Variants in DST observed in about 807,000 individuals in gnomAD.
DST encodes bullous pemphigoid antigen.
DST carries 253 observed loss-of-function variants against 875.2 expected under a neutral mutation model. The observed-to-expected ratio is 0.29, with a 90% confidence interval of 0.26 to 0.32. The LOEUF is 0.32. Ranked by LOEUF, DST falls within the 10% of genes least tolerant of loss-of-function variation. DST has a pLI of 1.00. For missense variants in DST, 8,287 were observed against 9,111.6 expected (o/e 0.91, Z 3.68); for synonymous variants, 3,124 against 3,197.1 (o/e 0.98, Z 0.77).
At chr6:56,851,346 A>C (rs1236617913) in intron 4 of DST, 51 bp downstream of exon 4, 1 of 1,561,032 alleles carries the variant, frequency 6.4e-7, no homozygotes, top group Admixed American at 1.8e-5. Flanking sequence ...AGATGGGCGA[A>C]TTTCCGCAAC....
chr6:56,515,215 AT>A (rs2096565973), intron 72 of DST, among the ~76,000 whole-genome samples: 1 of 152,004 alleles, frequency 6.6e-6, no homozygotes, highest in South Asian at 2.1e-4. Context: ...TATACTGCAT[AT>A]TTTATAAAAG....
At chr6:56,710,586 T>G (rs942333102) in intron 5 of DST, among the ~76,000 whole-genome samples, 1 of 152,102 alleles carries the variant, frequency 6.6e-6, no homozygotes, top group Non-Finnish European at 1.5e-5. Context: ...ACAGCCTACT[T>G]GAAAAAATAG....
In DST at chr6:56,634,221, G is replaced by A; in HGVS notation, c.3532C>T (p.His1178Tyr). ...CTCTTCATGTTTATGTGAGACTCAT[G>A]CCAAAGAGTCAGGACATTCTGATAC... ...QQYQNVLTLW[H>Y]ESHINMKSVV... Residue 1178 changes from histidine to tyrosine, a missense_variant, in exon 27 of 104, where the codon CAT (histidine) becomes TAT (tyrosine). Physicochemically the swap from His to Tyr is moderately conservative, Grantham distance 83. This residue lies in a region of DST where 1,160 missense variants were observed against 1,424.3 expected (regional missense o/e 0.81). Coordinates refer to ENST00000680361, the MANE Select transcript of DST (RefSeq NM_001374736.1). The A allele has an allele frequency of 1.2e-6, 2 of 1,613,506 alleles. No individual in the cohort carries two copies. Among genetic ancestry groups the A allele is most frequent in the Non-Finnish European group, 1.7e-6 (2 of 1,179,772 alleles).
At chr6:56,840,854 T>A (rs2099799104) in intron 4 of DST, among the ~76,000 whole-genome samples, 1 of 152,182 alleles carries the variant, frequency 6.6e-6, no homozygotes, top group Non-Finnish European at 1.5e-5. Context: ...AGATTTTGAA[T>A]TGGTTCCAGC....
rs192637339 is a variant in DST, at chr6:56,580,528, G to C, written c.12904-1591C>G. 6.6e-5 allele frequency among the ~76,000 whole-genome samples: 10 copies of C among 151,596 alleles called. No individual in the cohort carries two copies. The East Asian group carries it at 1.7e-3, about 26-fold the overall frequency. On this transcript the variant is annotated intron_variant, in intron 49 of 103. Transcript: ENST00000680361. Reference sequence around the variant, plus strand: ...CATGCTACTGTTAATTCCAGCCTGGGTGACAGAGTGATATTCCTACTTTCT... The same window carrying C: ...CATGCTACTGTTAATTCCAGCCTGGCTGACAGAGTGATATTCCTACTTTCT...
chr6:56,592,091 C>T, intron 49 of DST, 91 bp downstream of exon 49: 2 of 1,189,276 alleles, frequency 1.7e-6, no homozygotes, highest in Non-Finnish European at 2.4e-6. Flanking sequence ...ATTTGTTCCC[C>T]TCTCTTAGCT....
chr6:56,462,250 C>A (rs749448612), intron 102 of DST, among the ~76,000 whole-genome samples: 1 of 152,112 alleles, frequency 6.6e-6, no homozygotes, highest in Non-Finnish European at 1.5e-5. Flanking sequence ...TGTTGTTTCA[C>A]AGTGAAATTT....
At chr6:56,721,027 CT>C (rs1563859745) in intron 5 of DST, among the ~76,000 whole-genome samples, 1 of 150,658 alleles carries the variant, frequency 6.6e-6, no homozygotes, top group African/African-American at 2.5e-5. Flanking sequence ...GGGCAGCCCC[CT>C]CCGCCTCCCA....
At chr6:56,528,183 T>C (rs1252788258) in intron 67 of DST, among the ~76,000 whole-genome samples, 1 of 152,212 alleles carries the variant, frequency 6.6e-6, no homozygotes, top group Non-Finnish European at 1.5e-5. Flanking sequence ...TCTACCTCAT[T>C]TTTTGACACA....
chr6:56,545,987 C>A (rs1032225632), intron 61 of DST, among the ~76,000 whole-genome samples: 2 of 152,064 alleles, frequency 1.3e-5, no homozygotes, highest in Non-Finnish European at 2.9e-5. Context: ...AATTTATTCA[C>A]ATAAATGGCT....
intron 2 of DST, among the ~76,000 whole-genome samples, chr6:56,928,197 C>T (rs1405556463): frequency 6.8e-6 from 1 of 147,740 alleles, no homozygotes; most frequent in African/African-American, 2.4e-5. Context: ...GTGAGATACC[C>T]CTACTGGGGC....
intron 9 of DST, among the ~76,000 whole-genome samples, chr6:56,687,676 T>G (rs924045222): frequency 6.6e-6 from 1 of 151,914 alleles, no homozygotes; most frequent in Non-Finnish European, 1.5e-5. Flanking sequence ...CACAGGCAAA[T>G]ATTTCCAAGC....
intron 5 of DST, among the ~76,000 whole-genome samples, chr6:56,734,228 T>C (rs1222473806): frequency 6.6e-6 from 1 of 152,252 alleles, no homozygotes; most frequent in Non-Finnish European, 1.5e-5. Context: ...GTGCCCTCCC[T>C]GAGGGATATT....
chr6:56,589,995 G>T (rs1334109421), intron 49 of DST, among the ~76,000 whole-genome samples: 1 of 152,188 alleles, frequency 6.6e-6, no homozygotes, highest in Non-Finnish European at 1.5e-5. Flanking sequence ...ATTGTAAAAT[G>T]TTAATAAACA....
chr6:56,599,540 T>A (rs191309247), intron 45 of DST, among the ~76,000 whole-genome samples: 138 of 152,216 alleles, frequency 9.1e-4, no homozygotes, highest in Non-Finnish European at 1.5e-3. Flanking sequence ...AAGCTAACAA[T>A]GTATAGAGTC....
chr6:56,761,705 A>T lies in DST; in HGVS notation c.626-26416T>A, dbSNP rs531267612. On this transcript the variant is annotated intron_variant, in intron 4 of 103. Transcript: ENST00000680361. Reference sequence around the variant, plus strand: ...CTTAACCCCAGGTTAGGAACCTATTAAAAAAAAAAAATAAGCTTGACTTCT... The same window carrying T: ...CTTAACCCCAGGTTAGGAACCTATTTAAAAAAAAAAATAAGCTTGACTTCT... Among the ~76,000 whole-genome samples the T allele has an allele frequency of 1.6e-4, 23 of 143,404 alleles. No individual in the cohort carries two copies. In the East Asian group the frequency reaches 2.4e-3, roughly 15 times the overall value. 94.1% of individuals were successfully genotyped at this position (143,404 alleles called of 152,430 possible).
chr6:56,835,540 G>A (rs975340827), intron 4 of DST, among the ~76,000 whole-genome samples: 4 of 152,126 alleles, frequency 2.6e-5, no homozygotes, highest in African/African-American at 9.7e-5. Flanking sequence ...TTTTTTAAAA[G>A]ACTACTGGTG....
At chr6:56,893,299 C>T (rs1443778513) in intron 3 of DST, among the ~76,000 whole-genome samples, 1 of 152,250 alleles carries the variant, frequency 6.6e-6, no homozygotes, top group East Asian at 1.9e-4. Flanking sequence ...TAATAGTCTC[C>T]AATCTCATCC....
In DST at chr6:56,608,479, T is replaced by C. The variant is rs779873118; in HGVS notation, c.6149A>G (p.Gln2050Arg). 6.2e-7 allele frequency: 1 copy of C among 1,613,600 alleles called. No individual in the cohort carries two copies. Among genetic ancestry groups the C allele is most frequent in the Admixed American group, 1.7e-5 (1 of 59,908 alleles). Residue 2050 changes from glutamine to arginine, a missense_variant, in exon 40 of 104, where the codon CAG becomes CGG. Gln to Arg is a conservative substitution (Grantham distance 43). This residue lies in a region of DST where 3,138 missense variants were observed against 3,116.6 expected (regional missense o/e 1.01). Transcript: ENST00000680361. Reference sequence around the variant, plus strand: ...ACTGCTGGAAGTTATTAAATCACACTGTACTGCTTCGTCTACAGTTAAACG... The same window carrying C: ...ACTGCTGGAAGTTATTAAATCACACCGTACTGCTTCGTCTACAGTTAAACG... ...AKRLTVDEAV[Q>R]CDLITSSSAL... is the part of the protein sequence containing the mutation.
Sources: allele counts gnomAD v4.1 joint callset (sites outside exome capture counted in the v4.1 genomes callset), GRCh38; gene constraint gnomAD v4.1.1; regional missense constraint gnomAD v4.1.1; transcripts MANE v1.5; gene names NCBI Gene and HGNC (gene_info 2026-07-23, HGNC 2026-07-21).